ZEB2: variants seen among roughly 807,000 people sequenced by gnomAD.
ZEB2 encodes zinc finger E-box-binding homeobox 2.
Under a neutral mutation model 99.9 loss-of-function variants are expected in ZEB2, and 6 were observed. That is an observed-to-expected ratio of 0.06 (90% confidence interval 0.03 to 0.12). The LOEUF (loss-of-function observed/expected upper bound fraction) is 0.12, where lower values mean the gene tolerates loss of function less well. Ranked by LOEUF, ZEB2 falls within the 10% of genes least tolerant of loss-of-function variation. The pLI is 1.00. For missense variants in ZEB2, 969 were observed against 1,502.8 expected (o/e 0.64, Z 5.87); for synonymous variants, 517 against 542.5 (o/e 0.95, Z 0.65).
chr2:144,443,003 A>C (rs1703936223), intron 2 of ZEB2, among the ~76,000 whole-genome samples: 1 of 152,128 alleles, frequency 6.6e-6, no homozygotes, highest in Non-Finnish European at 1.5e-5. Context: ...TTTTCACATG[A>C]CACTTTCTGA....
At position 144,385,224 on chromosome 2, in the gene ZEB2, CT is replaced by C. The variant is rs1445555566; in HGVS notation, c.*4226del. The C allele has an allele frequency of 6.9e-6, 1 of 144,872 alleles. No homozygotes were observed. 9.0% of individuals were successfully genotyped at this position (144,872 alleles called of 1,614,324 possible). On this transcript the variant is annotated 3_prime_UTR_variant, in exon 10 of 10. Coordinates refer to ENST00000627532, the MANE Select transcript of ZEB2 (RefSeq NM_014795.4). ...CTCTTGAAATATAGAGATTTCACAT[CT>C]CTACACAATACAGGTTTATAAAGTT...
At chr2:144,423,859 A>C (rs1208773059) in intron 4 of ZEB2, among the ~76,000 whole-genome samples, 1 of 152,190 alleles carries the variant, frequency 6.6e-6, no homozygotes, top group Non-Finnish European at 1.5e-5. Context: ...TTAGTTTTTT[A>C]CATTTCATAA....
At chr2:144,450,068 A>C (rs1704035862) in intron 2 of ZEB2, 1 of 151,990 alleles carries the variant, frequency 6.6e-6, no homozygotes, top group South Asian at 2.1e-4. Flanking sequence ...GAATTAATAC[A>C]TTGTATTACC....
At chr2:144,394,896 C>T (rs573084053) in intron 9 of ZEB2, among the ~76,000 whole-genome samples, 7 of 151,256 alleles carry the variant, frequency 4.6e-5, no homozygotes, top group African/African-American at 9.7e-5. Context: ...ATGATGAGTA[C>T]GAGTACTTCC....
At chr2:144,403,895 C>T (rs770209771) in intron 6 of ZEB2, 21 bp downstream of exon 6, 7 of 1,613,878 alleles carry the variant, frequency 4.3e-6, no homozygotes, top group Non-Finnish European at 5.9e-6. Flanking sequence ...AGAAAGAAAT[C>T]ACTTAAAACC....
intron 9 of ZEB2, among the ~76,000 whole-genome samples, chr2:144,392,521 C>T (rs557625650): frequency 1.3e-5 from 2 of 152,252 alleles, no homozygotes; most frequent in South Asian, 4.2e-4. Context: ...ATTAATCCTG[C>T]ATTATGAATT....
At chr2:144,404,212 A>T in intron 5 of ZEB2, 82 bp from the exon 6 acceptor site, 1 of 1,471,644 alleles carries the variant, frequency 6.8e-7, no homozygotes, top group Non-Finnish European at 9.4e-7. Context: ...ACTGCCCGGG[A>T]TGGTATGACA....
intron 2 of ZEB2, chr2:144,512,826 G>C: frequency 7.8e-7 from 1 of 1,287,206 alleles, no homozygotes; most frequent in South Asian, 1.2e-5. Flanking sequence ...ACTTGCAGAA[G>C]ATCTCCACAG....
At position 144,386,243 on chromosome 2, in the gene ZEB2, A is replaced by G. The variant is rs1030458528; in HGVS notation, c.*3208T>C. On this transcript the variant is annotated 3_prime_UTR_variant, in exon 10 of 10. Coordinates refer to ENST00000627532, the MANE Select transcript of ZEB2 (RefSeq NM_014795.4). ...GAAGAACACATCTGATGTTACTAAA[A>G]TGCACATCTCTTGGTTGTGGAGGGG... 6.6e-6 allele frequency: 1 copy of G among 152,190 alleles called. No individual in the cohort carries two copies. The highest frequency in any genetic ancestry group is 2.4e-5 in the African/African-American group (1 of 41,448). 9.4% of individuals were successfully genotyped at this position (152,190 alleles called of 1,614,324 possible). A position where few individuals can be genotyped will look rare whatever the true frequency, so the allele number is the denominator to read the frequency against.
At chr2:144,431,298 A>T (rs968827308) in intron 2 of ZEB2, among the ~76,000 whole-genome samples, 2 of 152,168 alleles carry the variant, frequency 1.3e-5, no homozygotes, top group Non-Finnish European at 2.9e-5. Context: ...ATGCTTTTGG[A>T]GAATTCTGGA....
At chr2:144,506,481 CTG>C (rs1458675234) in intron 2 of ZEB2, among the ~76,000 whole-genome samples, 1 of 152,146 alleles carries the variant, frequency 6.6e-6, no homozygotes, top group East Asian at 1.9e-4. Flanking sequence ...CCTCTTAAAA[CTG>C]AGAATTCTCA....
chr2:144,497,715 G>A (rs1056097238), intron 2 of ZEB2: 32 of 165,494 alleles, frequency 1.9e-4, no homozygotes, highest in African/African-American at 7.2e-4. Flanking sequence ...TACCAATCTA[G>A]TGCTGGGACA....
intron 4 of ZEB2, among the ~76,000 whole-genome samples, chr2:144,406,571 G>A (rs1269827051): frequency 6.6e-6 from 1 of 151,918 alleles, no homozygotes; most frequent in Non-Finnish European, 1.5e-5. Context: ...GGACATCTCA[G>A]GATGTTAAAA....
chr2:144,404,754 A>G (rs1453140331), intron 5 of ZEB2, 82 bp downstream of exon 5: 20 of 1,508,210 alleles, frequency 1.3e-5, no homozygotes, highest in Non-Finnish European at 1.6e-5. Flanking sequence ...ATTTTAAGGT[A>G]AACACCCAGG....
chr2:144,390,057 A>AT, intron 9 of ZEB2, 29 bp from the exon 10 acceptor site: 7 of 1,596,976 alleles, frequency 4.4e-6, no homozygotes, highest in Non-Finnish European at 5.1e-6. Context: ...TGACAGGGTG[A>AT]TTAGTGTCTT....
intron 2 of ZEB2, among the ~76,000 whole-genome samples, chr2:144,506,222 A>C (rs1191281249): frequency 6.6e-6 from 1 of 152,192 alleles, no homozygotes; most frequent in Non-Finnish European, 1.5e-5. Flanking sequence ...TTTCATTCAC[A>C]AGCTAGATGA....
intron 2 of ZEB2, among the ~76,000 whole-genome samples, chr2:144,491,263 T>C (rs577281786): frequency 6.6e-6 from 1 of 151,120 alleles, no homozygotes; most frequent in Non-Finnish European, 1.5e-5. Flanking sequence ...GGAAAAGTTG[T>C]CCAATTACTT....
Position 144,398,805 on chromosome 2 carries a change from T to C in ZEB2, c.2382A>G (p.Lys794=), listed in dbSNP as rs1317776375. The change falls in exon 8 of 10, where the codon AAA becomes AAG. Residue 794 remains lysine (K), a synonymous_variant. Coordinates refer to ENST00000627532, the MANE Select transcript of ZEB2 (RefSeq NM_014795.4). The stretch of plus-strand genomic sequence containing the variant: ...GAGTGTATGAACTACTGTGGGAGTT[T>C]TTAGAAGATGTGGAGGAAAGATTTA... ...SPLNLSSTSS[K]NSHSSSYTPN... The C allele has an allele frequency of 6.2e-7, 1 of 1,614,068 alleles. No individual in the cohort carries two copies. The highest frequency in any genetic ancestry group is 8.5e-7 in the Non-Finnish European group (1 of 1,180,024).
At chr2:144,422,409 C>T (rs1315396258) in intron 4 of ZEB2, among the ~76,000 whole-genome samples, 1 of 152,236 alleles carries the variant, frequency 6.6e-6, no homozygotes, top group Non-Finnish European at 1.5e-5. Flanking sequence ...CCTCACTCCT[C>T]CATGACTATT....
Sources: allele counts gnomAD v4.1 joint callset (sites outside exome capture counted in the v4.1 genomes callset), GRCh38; gene constraint gnomAD v4.1.1; transcripts MANE v1.5; gene names NCBI Gene and HGNC (gene_info 2026-07-23, HGNC 2026-07-21).